The following PSD3 variants were observed in gnomAD, a reference collection of about 807,000 sequenced individuals.
PSD3 encodes the protein PH and SEC7 domain-containing protein 3.
A neutral mutation model predicts 105.5 loss-of-function variants in PSD3; 49 were observed. The observed-to-expected ratio is 0.46, with a 90% CI of 0.37 to 0.59. PSD3 has a LOEUF of 0.59. PSD3 is among the 20% of genes least tolerant of loss of function. The probability of loss-of-function intolerance (pLI) is 0.00; values close to 1 mark genes in which losing one functional copy is unlikely to be tolerated. For synonymous variants in PSD3, 557 were observed against 457.8 expected, an observed-to-expected ratio of 1.22 and a Z score of -2.77; for missense variants, 1,561 against 1,263.8, an observed-to-expected ratio of 1.24 and a Z score of -3.57.
chr8:18,826,562 G>A (rs1362001929), intron 4 of PSD3, among the ~76,000 whole-genome samples: 2 of 151,920 alleles, frequency 1.3e-5, no homozygotes, highest in African/African-American at 4.8e-5. Flanking sequence ...CTTTCCCTTG[G>A]GAATATAAAT....
At chr8:18,696,698 T>C (rs1801280071) in intron 9 of PSD3, among the ~76,000 whole-genome samples, 1 of 152,136 alleles carries the variant, frequency 6.6e-6, no homozygotes. Flanking sequence ...AAATAAGAAA[T>C]ACTCCATTTT....
chr8:18,568,811 T>C lies in PSD3; in HGVS notation c.2784+3717A>G, dbSNP rs377229809. On this transcript the variant is annotated intron_variant, in intron 14 of 15. Transcript: ENST00000327040. The stretch of plus-strand genomic sequence containing the variant: ...ATGCTGGTGCGCTGCACCCACTAAC[T>C]CGTCATCTAGCATTAGGTATATCTC... 6.5e-3 allele frequency among the ~76,000 whole-genome samples: 991 copies of C among 151,894 alleles called. 10 individuals are homozygous for C. Among genetic ancestry groups the C allele is most frequent in the African/African-American group, 0.023 (958 of 41,414 alleles).
At chr8:19,078,298 A>G (rs145109222) in intron 1 of PSD3, among the ~76,000 whole-genome samples, 1 of 152,312 alleles carries the variant, frequency 6.6e-6, no homozygotes, top group African/African-American at 2.4e-5. Context: ...TAATGATTTG[A>G]TTCTAATATA....
intron 1 of PSD3, among the ~76,000 whole-genome samples, chr8:19,048,641 G>A (rs549920002): frequency 6.6e-5 from 10 of 151,702 alleles, no homozygotes; most frequent in South Asian, 2.1e-4. Context: ...GTTGACAGCC[G>A]TAGAGATACA....
intron 4 of PSD3, among the ~76,000 whole-genome samples, chr8:18,813,754 T>C (rs1047733055): frequency 6.6e-6 from 1 of 152,212 alleles, no homozygotes; most frequent in Non-Finnish European, 1.5e-5. Flanking sequence ...GTCATCATTG[T>C]CTGTAACCCT....
chr8:18,680,445 G>A (rs1800317488), intron 9 of PSD3, among the ~76,000 whole-genome samples: 1 of 152,202 alleles, frequency 6.6e-6, no homozygotes. Flanking sequence ...GGTCTGCACT[G>A]CCCCCTCATG....
At chr8:18,786,297 A>T (rs1302842837) in intron 8 of PSD3, among the ~76,000 whole-genome samples, 2 of 152,224 alleles carry the variant, frequency 1.3e-5, no homozygotes, top group Non-Finnish European at 2.9e-5. Flanking sequence ...TAAAGGCTAC[A>T]GAGTCAAAAG....
Position 18,535,641 on chromosome 8 carries a change from G to A in PSD3, c.*102C>T, listed in dbSNP as rs1799805960. ...GAAAAAATTACTAATGCACCGTTTT[G>A]TCACAGACTTTTTTTTTTTAAATAT... On this transcript the variant is annotated 3_prime_UTR_variant, in exon 16 of 16. Transcript: ENST00000327040. 5.1e-6 allele frequency: 5 copies of A among 975,620 alleles called. No individual in the cohort carries two copies. Among genetic ancestry groups the A allele is most frequent in the East Asian group, 5.0e-5 (2 of 39,922 alleles). The allele number at this position is 975,620 out of a possible 1,614,324, so 60.4% of individuals were successfully genotyped here.
At chr8:18,884,521 C>T (rs1818325433) in intron 2 of PSD3, among the ~76,000 whole-genome samples, 2 of 152,058 alleles carry the variant, frequency 1.3e-5, no homozygotes, top group African/African-American at 4.8e-5. Context: ...AGAAAAGTCA[C>T]ATTTTGAAGA....
intron 2 of PSD3, among the ~76,000 whole-genome samples, chr8:18,896,808 T>TTTTTG (rs199778264): frequency 3.9e-5 from 6 of 151,956 alleles, no homozygotes; most frequent in African/African-American, 7.3e-5. Context: ...GTTTTGTCTT[T>TTTTTG]TTTTGTTTTG....
At chr8:18,834,191 GA>G (rs1156270240) in intron 4 of PSD3, among the ~76,000 whole-genome samples, 5 of 152,106 alleles carry the variant, frequency 3.3e-5, no homozygotes, top group African/African-American at 1.2e-4. Flanking sequence ...AAATATATTT[GA>G]ATGTATAATT....
At chr8:18,966,546 G>C (rs1007291947) in intron 1 of PSD3, among the ~76,000 whole-genome samples, 2 of 149,078 alleles carry the variant, frequency 1.3e-5, no homozygotes, top group South Asian at 4.3e-4. Context: ...ACTCCGGCCT[G>C]GGCAACAGAG....
chr8:18,649,897 C>G (rs908013391), intron 10 of PSD3, among the ~76,000 whole-genome samples: 1 of 152,186 alleles, frequency 6.6e-6, no homozygotes, highest in Non-Finnish European at 1.5e-5. Flanking sequence ...CCTGTCATGA[C>G]TGAAAGTTTC....
chr8:18,621,672 C>G (rs1430851568), intron 11 of PSD3, among the ~76,000 whole-genome samples: 1 of 152,090 alleles, frequency 6.6e-6, no homozygotes, highest in Non-Finnish European at 1.5e-5. Context: ...GTTGTTTGGC[C>G]TTGTATTAAC....
chr8:18,724,550 T>A (rs983705390), intron 9 of PSD3, among the ~76,000 whole-genome samples: 4 of 152,004 alleles, frequency 2.6e-5, no homozygotes, highest in Non-Finnish European at 5.9e-5. Context: ...AGTCTGAGGC[T>A]GCAGTGAGCT....
At chr8:18,819,482 T>A (rs1812503945) in intron 4 of PSD3, among the ~76,000 whole-genome samples, 1 of 152,184 alleles carries the variant, frequency 6.6e-6, no homozygotes, top group Non-Finnish European at 1.5e-5. Context: ...GCAAAAGTGC[T>A]GTTTTTGGCA....
chr8:18,851,767 G>C (rs950082244), intron 4 of PSD3, among the ~76,000 whole-genome samples: 1 of 152,190 alleles, frequency 6.6e-6, no homozygotes, highest in Non-Finnish European at 1.5e-5. Flanking sequence ...GCAACAACAA[G>C]GCAGTTTCAA....
chr8:18,886,167 T>C (rs1402955684), intron 2 of PSD3, among the ~76,000 whole-genome samples: 2 of 151,932 alleles, frequency 1.3e-5, no homozygotes, highest in Admixed American at 6.6e-5. Context: ...GGTGACAGAA[T>C]TGTGTGTTCC....
chr8:18,808,492 TA>T (rs1209109325), intron 4 of PSD3, among the ~76,000 whole-genome samples: 4 of 152,222 alleles, frequency 2.6e-5, no homozygotes. Flanking sequence ...CCTTTTCTAC[TA>T]TGCTGCCCAG....
Sources: allele counts gnomAD v4.1 joint callset (sites outside exome capture counted in the v4.1 genomes callset), GRCh38; gene constraint gnomAD v4.1.1; transcripts MANE v1.5; gene names NCBI Gene and HGNC (gene_info 2026-07-23, HGNC 2026-07-21).